Variants in SELENOF observed in about 807,000 individuals in gnomAD.
SELENOF encodes selenoprotein F.
Under a neutral mutation model 20.5 loss-of-function variants are expected in SELENOF, and 16 were observed. That is an observed-to-expected ratio of 0.78 (90% CI 0.53 to 1.19). The LOEUF (loss-of-function observed/expected upper bound fraction) is 1.19, where lower values mean the gene tolerates loss of function less well. Ranked by LOEUF, SELENOF falls within the 50% of genes most tolerant of loss-of-function variation. SELENOF has a pLI of 0.00. For missense variants in SELENOF, 215 were observed against 194.2 expected (o/e 1.11, Z -0.64); for synonymous variants, 78 against 74.5 (o/e 1.05, Z -0.24).
chr1:86,914,204 C>T (rs1660076302), upstream of SELENOF: 43 of 1,065,784 alleles, frequency 4.0e-5, no homozygotes, highest in South Asian at 4.9e-4. Flanking sequence ...CGGCCGTTGC[C>T]CTTACATCTC....
chr1:86,900,037 G>A (rs1193483689), intron 2 of SELENOF, among the ~76,000 whole-genome samples: 2 of 150,760 alleles, frequency 1.3e-5, no homozygotes, highest in South Asian at 2.1e-4. Context: ...GATGGCGGCC[G>A]GGAAGAGGCG....
chr1:86,901,578 C>T (rs1004178322), intron 2 of SELENOF, among the ~76,000 whole-genome samples: 7 of 152,130 alleles, frequency 4.6e-5, no homozygotes, highest in African/African-American at 7.2e-5. Flanking sequence ...TACTTAGATA[C>T]GATAATCACT....
intron 2 of SELENOF, among the ~76,000 whole-genome samples, chr1:86,883,513 T>C (rs531318508): frequency 5.9e-5 from 9 of 152,256 alleles, no homozygotes; most frequent in African/African-American, 2.2e-4. Context: ...TAGTGTATAG[T>C]GTACATACAT....
At chr1:86,907,182 G>A (rs907787389) in intron 1 of SELENOF, among the ~76,000 whole-genome samples, 31 of 152,226 alleles carry the variant, frequency 2.0e-4, no homozygotes, top group African/African-American at 6.5e-4. Flanking sequence ...GGAATTCTGA[G>A]GATTAAAGAA....
chr1:86,914,043 C>T lies in SELENOF; in HGVS notation c.69G>A (p.Ala23=). The T allele has an allele frequency of 6.2e-7, 1 of 1,613,924 alleles. No homozygotes were observed. Among genetic ancestry groups the T allele is most frequent in the Non-Finnish European group, 8.5e-7 (1 of 1,179,844 alleles). Reference sequence around the variant, plus strand: ...CTACACTCACCGCTTGAAGCACAGTCGCCAACAACAACCGTAGCCCAAACG... The same window carrying T: ...CTACACTCACCGCTTGAAGCACAGTTGCCAACAACAACCGTAGCCCAAACG... ...VPAFGLRLLL[A]TVLQAVSAFG... is the part of the protein sequence containing the mutation. The change falls in exon 1 of 5, where the codon GCG becomes GCA. Residue 23 remains alanine, a synonymous_variant. Transcript: ENST00000331835.
At chr1:86,870,892 T>C (rs938485145) in intron 3 of SELENOF, among the ~76,000 whole-genome samples, 1 of 152,206 alleles carries the variant, frequency 6.6e-6, no homozygotes, top group African/African-American at 2.4e-5. Flanking sequence ...GTGCTGGGAT[T>C]ACAGGCGTGA....
chr1:86,910,702 CAAAAA>C (rs36124875), intron 1 of SELENOF, among the ~76,000 whole-genome samples: 1 of 82,800 alleles, frequency 1.2e-5, no homozygotes, highest in African/African-American at 4.1e-5. Context: ...GACTCCATAT[CAAAAA>C]AAAAAAAAAA....
At chr1:86,869,012 A>G (rs1386883570) in intron 3 of SELENOF, among the ~76,000 whole-genome samples, 3 of 152,230 alleles carry the variant, frequency 2.0e-5, no homozygotes, top group Non-Finnish European at 4.4e-5. Context: ...TAAATGTTCA[A>G]CTTCACATAT....
intron 4 of SELENOF, among the ~76,000 whole-genome samples, chr1:86,865,520 A>G (rs518571): frequency 0.26 from 39,377 of 152,060 alleles, 6,288 homozygotes; most frequent in African/African-American, 0.45. Context: ...GGTCAACAAA[A>G]TGTTCAACAC....
chr1:86,875,958 C>T (rs1204596256), intron 3 of SELENOF, among the ~76,000 whole-genome samples: 1 of 151,972 alleles, frequency 6.6e-6, no homozygotes, highest in Non-Finnish European at 1.5e-5. Context: ...GAAGAGAAAC[C>T]ATGTCATGGC....
At chr1:86,869,056 C>T (rs994769196) in intron 3 of SELENOF, among the ~76,000 whole-genome samples, 19 of 152,094 alleles carry the variant, frequency 1.2e-4, no homozygotes, top group Non-Finnish European at 5.9e-5. Flanking sequence ...GAGGTACTCA[C>T]ATTCGGAATT....
At chr1:86,890,825 A>T (rs1265868642) in intron 2 of SELENOF, among the ~76,000 whole-genome samples, 2 of 152,048 alleles carry the variant, frequency 1.3e-5, no homozygotes, top group Non-Finnish European at 2.9e-5. Flanking sequence ...ATTAATATTT[A>T]AACTGTTTTT....
chr1:86,872,536 TG>T (rs1295004179), intron 3 of SELENOF, among the ~76,000 whole-genome samples: 10 of 139,490 alleles, frequency 7.2e-5, no homozygotes, highest in Non-Finnish European at 1.2e-4. Flanking sequence ...GCCCAGCTAA[TG>T]TTTTTTTTTT....
intron 3 of SELENOF, among the ~76,000 whole-genome samples, chr1:86,872,188 C>T (rs1355401997): frequency 6.6e-6 from 1 of 152,108 alleles, no homozygotes; most frequent in Non-Finnish European, 1.5e-5. Context: ...ATATTTATTC[C>T]GTATTTTCCT....
chr1:86,899,572 C>T lies in SELENOF; in HGVS notation c.252+3709G>A, dbSNP rs530788835. ...CCCCCCACCTCCCTCCCGGACGGGG[C>T]GGCTGGCCGGGCAGGGGGCTGACCC... On this transcript the variant is annotated intron_variant, in intron 2 of 4. Coordinates refer to ENST00000331835, the MANE Select transcript of SELENOF (RefSeq NM_004261.5). Among the ~76,000 whole-genome samples, 660 of 149,132 alleles carry T rather than the reference C, an allele frequency of 4.4e-3. 5 individuals carry two copies. Among genetic ancestry groups the T allele is most frequent in the Non-Finnish European group, 4.5e-3 (302 of 67,180 alleles).
upstream of SELENOF, chr1:86,914,468 G>A (rs528165986): frequency 1.2e-4 from 40 of 335,370 alleles, no homozygotes; most frequent in Admixed American, 7.0e-4. Flanking sequence ...CTCTGTGGCA[G>A]AGGAAACCAA....
intron 2 of SELENOF, among the ~76,000 whole-genome samples, chr1:86,893,868 G>T (rs1454651886): frequency 6.6e-6 from 1 of 152,130 alleles, no homozygotes; most frequent in Non-Finnish European, 1.5e-5. Flanking sequence ...AATGGGAGTG[G>T]GAAGTGGAGG....
At chr1:86,885,014 A>G (rs555096099) in intron 2 of SELENOF, among the ~76,000 whole-genome samples, 2 of 152,358 alleles carry the variant, frequency 1.3e-5, no homozygotes, top group African/African-American at 2.4e-5. Flanking sequence ...CCTCAGCTCT[A>G]TCACTAATGT....
intron 3 of SELENOF, among the ~76,000 whole-genome samples, chr1:86,879,942 ATTTTGTACAGG>A: frequency 6.6e-6 from 1 of 152,132 alleles, no homozygotes; most frequent in East Asian, 1.9e-4. Flanking sequence ...GTGATTTGTT[ATTTTGTACAGG>A]TCTACTCTTA....
Sources: gnomAD v4.1 joint callset for allele counts (sites outside exome capture counted in the v4.1 genomes callset) on GRCh38, gnomAD v4.1.1 for gene constraint, MANE v1.5 for transcripts, NCBI Gene and HGNC (gene_info 2026-07-23, HGNC 2026-07-21) for gene names.